The following LAMA2 variants were observed in gnomAD, a reference collection of about 807,000 sequenced individuals.
LAMA2 encodes laminin subunit alpha-2.
A neutral mutation model predicts 364.8 loss-of-function variants in LAMA2; 269 were observed. That is an observed-to-expected ratio of 0.74 (90% CI 0.67 to 0.82). The LOEUF (loss-of-function observed/expected upper bound fraction) is 0.82, where lower values mean the gene tolerates loss of function less well. Ranked by LOEUF, LAMA2 falls within the 40% of genes least tolerant of loss-of-function variation. The pLI, the probability that LAMA2 is intolerant of heterozygous loss-of-function variation, is 0.00. For missense variants in LAMA2, 3,807 were observed against 3,873.2 expected (o/e 0.98, Z 0.45); for synonymous variants, 1,379 against 1,370.6 (o/e 1.01, Z -0.14).
chr6:129,263,678 CA>C (rs1471088770), intron 15 of LAMA2, among the ~76,000 whole-genome samples: 1 of 152,144 alleles, frequency 6.6e-6, no homozygotes, highest in African/African-American at 2.4e-5. Flanking sequence ...CATGGAACAT[CA>C]TTACAAGCCT....
chr6:129,205,472 C>A (rs1782566243), intron 12 of LAMA2, among the ~76,000 whole-genome samples: 1 of 122,062 alleles, frequency 8.2e-6, no homozygotes, highest in Non-Finnish European at 1.6e-5. Flanking sequence ...GGAATTTATT[C>A]TGTAAGTATA....
rs373993253 is a variant in LAMA2 at position 129,315,438 on chromosome 6, G to A, written c.3556-38G>A. The A allele has an allele frequency of 7.7e-5, 121 of 1,579,876 alleles. No individual in the cohort carries two copies. In the African/African-American group the frequency reaches 1.1e-3, roughly 14 times the overall value. ...TTAGTTTTAAAGAAATGTCCAAAGC[G>A]TAAATTCAGCCTTCTGCTGTATTTT... On this transcript the variant is annotated intron_variant, in intron 24 of 64. Transcript: ENST00000421865.
In LAMA2 at chr6:129,166,755, A is replaced by C. The variant is rs73773692; in HGVS notation, c.1306+1080A>C. Among the ~76,000 whole-genome samples the C allele has an allele frequency of 9.4e-3, 1,434 of 152,270 alleles. 23 individuals carry two copies. The highest frequency in any genetic ancestry group is 0.033 in the African/African-American group (1,365 of 41,566). On this transcript the variant is annotated intron_variant, in intron 9 of 64. Transcript: ENST00000421865. Reference sequence around the variant, plus strand: ...ATACAATTCAGTGGTAATTCAGGAGAGATACCACTATTAACATTTTCATAT... The same window carrying C: ...ATACAATTCAGTGGTAATTCAGGAGCGATACCACTATTAACATTTTCATAT...
Position 129,280,155 on chromosome 6 carries a change from T to A in LAMA2, c.2537+8T>A. ...AGGACCACGCTGTGAGAGGTAAGAGTATACTACACTGTCTTGCAAAATGAT... is the reference window on the plus strand; with the variant it reads ...AGGACCACGCTGTGAGAGGTAAGAGAATACTACACTGTCTTGCAAAATGAT... On this transcript the variant is annotated splice_region_variant and intron_variant, in intron 18 of 64. Transcript: ENST00000421865. 6.5e-7 allele frequency: 1 copy of A among 1,541,806 alleles called. No individual in the cohort carries two copies. Among genetic ancestry groups the A allele is most frequent in the Non-Finnish European group, 9.0e-7 (1 of 1,114,450 alleles).
At chr6:129,464,518 G>A (rs1347504637) in intron 50 of LAMA2, 66 bp downstream of exon 50, 25 of 1,287,542 alleles carry the variant, frequency 1.9e-5, no homozygotes, top group Non-Finnish European at 7.9e-6. Flanking sequence ...ATCAGTTATT[G>A]GTAAAATCAT....
chr6:129,360,842 A>G lies in LAMA2; in HGVS notation c.4718-5377A>G, dbSNP rs150533085. 1.2e-3 allele frequency among the ~76,000 whole-genome samples: 185 copies of G among 152,312 alleles called. 1 individual carries two copies. Among genetic ancestry groups the G allele is most frequent in the African/African-American group, 4.3e-3 (177 of 41,584 alleles). On this transcript the variant is annotated intron_variant, in intron 32 of 64. Coordinates refer to ENST00000421865, the MANE Select transcript of LAMA2 (RefSeq NM_000426.4). ...TTGGCATTCTAGTACACCGTAGCATATTACAGTACATCAGCTCTAGTTCTG... is the reference window on the plus strand; with the variant it reads ...TTGGCATTCTAGTACACCGTAGCATGTTACAGTACATCAGCTCTAGTTCTG...
chr6:129,340,024 AAAAG>A (rs911029863), intron 29 of LAMA2, among the ~76,000 whole-genome samples: 4 of 151,870 alleles, frequency 2.6e-5, no homozygotes, highest in Non-Finnish European at 5.9e-5. Context: ...GAAAGAAAGA[AAAAG>A]AAAGAAAGAA....
chr6:129,107,803 G>A (rs982085497), intron 4 of LAMA2, among the ~76,000 whole-genome samples: 26 of 152,122 alleles, frequency 1.7e-4, no homozygotes, highest in African/African-American at 6.3e-4. Flanking sequence ...TTTTGGAGCT[G>A]TGATTTGAAT....
chr6:128,904,109 A>C (rs1777262412), intron 1 of LAMA2, among the ~76,000 whole-genome samples: 1 of 152,182 alleles, frequency 6.6e-6, no homozygotes, highest in Admixed American at 6.5e-5. Flanking sequence ...ACACTTTGAT[A>C]GGAGGAACAT....
In LAMA2 at chr6:129,488,313, AAAAAC is replaced by A. The variant is rs1209192801; in HGVS notation, c.7898+1706_7898+1710del. Among the ~76,000 whole-genome samples the A allele has an allele frequency of 5.3e-5, 8 of 152,340 alleles. No homozygotes were observed. In the East Asian group the frequency reaches 5.8e-4, roughly 11 times the overall value. On this transcript the variant is annotated intron_variant, in intron 56 of 64. Coordinates refer to ENST00000421865, the MANE Select transcript of LAMA2 (RefSeq NM_000426.4). ...CAACAGAGCAAGACTCCAACTCGGAAAAAACAAAACAAAACAAAAACATTTAAACT... is the reference window on the plus strand; with the variant it reads ...CAACAGAGCAAGACTCCAACTCGGAAAAAACAAAACAAAAACATTTAAACT...
At chr6:128,902,057 G>A (rs904514812) in intron 1 of LAMA2, among the ~76,000 whole-genome samples, 62 of 152,200 alleles carry the variant, frequency 4.1e-4, no homozygotes, top group Non-Finnish European at 7.6e-4. Flanking sequence ...ATGTCAGGAA[G>A]GAGAAGTGCA....
At chr6:128,906,601 T>C (rs1268820892) in intron 1 of LAMA2, among the ~76,000 whole-genome samples, 1 of 151,784 alleles carries the variant, frequency 6.6e-6, no homozygotes, top group African/African-American at 2.4e-5. Context: ...TTCACTCTGA[T>C]GGTAGTTTCT....
At chr6:129,326,412 T>C (rs1775285825) in intron 28 of LAMA2, among the ~76,000 whole-genome samples, 1 of 152,122 alleles carries the variant, frequency 6.6e-6, no homozygotes, top group African/African-American at 2.4e-5. Context: ...AGACTTCACC[T>C]TAGGGCTCGC....
At chr6:129,151,611 A>C (rs1216369497) in intron 7 of LAMA2, among the ~76,000 whole-genome samples, 1 of 152,170 alleles carries the variant, frequency 6.6e-6, no homozygotes, top group Non-Finnish European at 1.5e-5. Flanking sequence ...ACCCTTCTGC[A>C]TGGCTAGGAG....
intron 22 of LAMA2, among the ~76,000 whole-genome samples, chr6:129,302,054 T>A (rs1773584138): frequency 6.6e-6 from 1 of 152,190 alleles, no homozygotes; most frequent in Non-Finnish European, 1.5e-5. Context: ...CTGTTTACCA[T>A]TTAATGGGTG....
At chr6:129,112,275 C>T (rs1484503465) in intron 4 of LAMA2, among the ~76,000 whole-genome samples, 1 of 151,940 alleles carries the variant, frequency 6.6e-6, no homozygotes, top group East Asian at 1.9e-4. Flanking sequence ...TTTATCTCCA[C>T]ATTAGTTTGT....
At chr6:129,202,611 T>A (rs1157745686) in intron 12 of LAMA2, among the ~76,000 whole-genome samples, 5 of 152,170 alleles carry the variant, frequency 3.3e-5, no homozygotes, top group Non-Finnish European at 5.9e-5. Context: ...ACCTAGTCCC[T>A]GTTATTTTGT....
intron 29 of LAMA2, among the ~76,000 whole-genome samples, chr6:129,330,932 G>A (rs557248447): frequency 1.3e-5 from 2 of 151,412 alleles, no homozygotes; most frequent in East Asian, 2.0e-4. Flanking sequence ...GCAGTGACGC[G>A]ATCTCAGCTC....
In LAMA2 at chr6:129,066,047, T is replaced by TTTTTTCTTTTTTTC. The variant is rs1554210055; in HGVS notation, c.396+6156_396+6157insCTTTTTTTCTTTTT. Among the ~76,000 whole-genome samples, 143 of 81,944 alleles carry TTTTTTCTTTTTTTC rather than the reference T, an allele frequency of 1.7e-3. 9 individuals carry two copies. The highest frequency in any genetic ancestry group is 2.9e-3 in the Non-Finnish European group (118 of 40,326). The allele number at this position is 81,944 out of a possible 152,430, so 53.8% of individuals were successfully genotyped here. The stretch of plus-strand genomic sequence containing the variant: ...AATTGCCCAGTCTCAGGTTTTTTTT[T>TTTTTTCTTTTTTTC]TTTTTTTTTTTTTTTTGAGACGCAG... On this transcript the variant is annotated intron_variant, in intron 3 of 64. Coordinates refer to ENST00000421865, the MANE Select transcript of LAMA2 (RefSeq NM_000426.4).
Sources: gnomAD v4.1 joint callset for allele counts (sites outside exome capture counted in the v4.1 genomes callset) on GRCh38, gnomAD v4.1.1 for gene constraint, MANE v1.5 for transcripts, NCBI Gene and HGNC (gene_info 2026-07-23, HGNC 2026-07-21) for gene names.